The following LUZP2 variants were observed in gnomAD, a reference collection of about 807,000 sequenced individuals.
The protein encoded by LUZP2 is leucine zipper protein 2.
A neutral mutation model predicts 51.6 loss-of-function variants in LUZP2; 52 were observed. That is an observed-to-expected ratio of 1.01 (90% confidence interval 0.81 to 1.27). The LOEUF (loss-of-function observed/expected upper bound fraction) is 1.27, where lower values mean the gene tolerates loss of function less well. LUZP2 is among the 50% of genes most tolerant of loss of function. LUZP2 has a pLI of 0.00. For missense variants in LUZP2, 436 were observed against 395.4 expected (o/e 1.10, Z -0.87); for synonymous variants, 154 against 137.3 (o/e 1.12, Z -0.85).
intron 9 of LUZP2, among the ~76,000 whole-genome samples, chr11:25,000,946 A>G (rs1392423630): frequency 2.6e-5 from 4 of 152,156 alleles, no homozygotes; most frequent in African/African-American, 4.8e-5. Flanking sequence ...AATGAAGTAG[A>G]TAAACTGGCT....
chr11:24,835,067 G>A (rs964864945), intron 5 of LUZP2, among the ~76,000 whole-genome samples: 6 of 151,888 alleles, frequency 4.0e-5, no homozygotes, highest in African/African-American at 7.3e-5. Context: ...TATACCACAA[G>A]GCTACAGTAA....
chr11:25,054,482 T>C (rs1858617411), intron 10 of LUZP2, among the ~76,000 whole-genome samples: 1 of 152,192 alleles, frequency 6.6e-6, no homozygotes, highest in Non-Finnish European at 1.5e-5. Context: ...TTCTTCAATT[T>C]TTTGTGTGTG....
chr11:24,594,079 A>G (rs763654127), intron 1 of LUZP2, among the ~76,000 whole-genome samples: 1 of 152,206 alleles, frequency 6.6e-6, no homozygotes, highest in African/African-American at 2.4e-5. Context: ...TCCTAAATGC[A>G]CTATCGTTTC....
In LUZP2 at chr11:24,830,919, G is replaced by A. The variant is rs993088954; in HGVS notation, c.396+67611G>A. Among the ~76,000 whole-genome samples, 80 of 152,160 alleles carry A rather than the reference G, an allele frequency of 5.3e-4. 2 individuals carry two copies. Among genetic ancestry groups the A allele is most frequent in the East Asian group, 3.9e-4 (2 of 5,176 alleles). ...TGAGGCAGGAGAATGGCGTGAACCC[G>A]GGAGGTGGAGCTTGCAGTAAGCCGA... On this transcript the variant is annotated intron_variant, in intron 5 of 11. Coordinates refer to ENST00000336930, the MANE Select transcript of LUZP2 (RefSeq NM_001009909.4).
chr11:24,918,967 T>A (rs1042962539), intron 7 of LUZP2, among the ~76,000 whole-genome samples: 1 of 144,616 alleles, frequency 6.9e-6, no homozygotes, highest in Admixed American at 7.0e-5. Flanking sequence ...ATGTATTATA[T>A]ATAGTTATAT....
chr11:24,501,792 T>C (rs187423266), intron 1 of LUZP2, among the ~76,000 whole-genome samples: 50 of 152,304 alleles, frequency 3.3e-4, no homozygotes, highest in Non-Finnish European at 6.3e-4. Context: ...AATCTAGTCA[T>C]ACATACAAAT....
chr11:24,795,976 C>T (rs546206745), intron 5 of LUZP2, among the ~76,000 whole-genome samples: 16 of 152,152 alleles, frequency 1.1e-4, no homozygotes, highest in South Asian at 6.2e-4. Flanking sequence ...TCAGGTGATC[C>T]GTTCCCTTCC....
intron 4 of LUZP2, among the ~76,000 whole-genome samples, chr11:24,757,831 G>C (rs1264669818): frequency 6.6e-6 from 1 of 151,908 alleles, no homozygotes; most frequent in East Asian, 1.9e-4. Flanking sequence ...GTAAACAAAA[G>C]TCCTAGGTCA....
intron 1 of LUZP2, among the ~76,000 whole-genome samples, chr11:24,609,589 A>G (rs1460462991): frequency 6.6e-6 from 1 of 151,850 alleles, no homozygotes; most frequent in East Asian, 1.9e-4. Flanking sequence ...AATTAGTGGG[A>G]TGTGGTGGCA....
At chr11:24,952,246 T>C (rs1855099043) in intron 7 of LUZP2, among the ~76,000 whole-genome samples, 1 of 151,712 alleles carries the variant, frequency 6.6e-6, no homozygotes, top group Non-Finnish European at 1.5e-5. Context: ...TTTAAAAGTG[T>C]TTCTAAATCA....
chr11:24,544,246 A>G (rs1301277595), intron 1 of LUZP2, among the ~76,000 whole-genome samples: 4 of 152,060 alleles, frequency 2.6e-5, no homozygotes, highest in Admixed American at 1.3e-4. Flanking sequence ...CGTCATCCTG[A>G]TTTCAGCCTA....
At chr11:24,601,009 T>C (rs1853616013) in intron 1 of LUZP2, among the ~76,000 whole-genome samples, 1 of 152,130 alleles carries the variant, frequency 6.6e-6, no homozygotes, top group African/African-American at 2.4e-5. Context: ...AGATATTATT[T>C]AGATGATCTG....
chr11:24,938,224 A>T (rs546307898), intron 7 of LUZP2, among the ~76,000 whole-genome samples: 1 of 151,288 alleles, frequency 6.6e-6, no homozygotes, highest in Non-Finnish European at 1.5e-5. Flanking sequence ...ATTGGGATAC[A>T]TTTTTTTTCT....
In LUZP2 at chr11:24,727,472, C is replaced by T. The variant is rs185080467; in HGVS notation, c.63-1697C>T. Reference sequence around the variant, plus strand: ...TCAGAACAAATTCATGAGAAAAGCACTATTATTAACCCTATATATAATATG... The same window carrying T: ...TCAGAACAAATTCATGAGAAAAGCATTATTATTAACCCTATATATAATATG... On this transcript the variant is annotated intron_variant, in intron 1 of 11. Coordinates refer to ENST00000336930, the MANE Select transcript of LUZP2 (RefSeq NM_001009909.4). Among the ~76,000 whole-genome samples, 252 of 152,090 alleles carry T rather than the reference C, an allele frequency of 1.7e-3. 1 individual carries two copies. The Middle Eastern group carries it at 0.031, about 18-fold the overall frequency.
Position 24,862,220 on chromosome 11 carries a change from C to T in LUZP2, c.397-43771C>T, listed in dbSNP as rs114403210. On this transcript the variant is annotated intron_variant, in intron 5 of 11. Coordinates refer to ENST00000336930, the MANE Select transcript of LUZP2 (RefSeq NM_001009909.4). Reference sequence around the variant, plus strand: ...ACCTTTCAGCAGAAACTCCACAAACCACAAGAGATTGGGGACCAAAATTCA... The same window carrying T: ...ACCTTTCAGCAGAAACTCCACAAACTACAAGAGATTGGGGACCAAAATTCA... 4.4e-3 allele frequency among the ~76,000 whole-genome samples: 664 copies of T among 152,262 alleles called. 4 individuals are homozygous for T. Among genetic ancestry groups the T allele is most frequent in the Middle Eastern group, 0.017 (5 of 294 alleles).
intron 1 of LUZP2, among the ~76,000 whole-genome samples, chr11:24,688,568 TC>T (rs756686004): frequency 9.3e-6 from 1 of 107,862 alleles, no homozygotes; most frequent in Non-Finnish European, 2.1e-5. Context: ...ACTATCCAAC[TC>T]CCAGGTATGA....
At chr11:24,551,913 A>G (rs567976320) in intron 1 of LUZP2, among the ~76,000 whole-genome samples, 1 of 152,158 alleles carries the variant, frequency 6.6e-6, no homozygotes, top group South Asian at 2.1e-4. Flanking sequence ...TACCCATTAA[A>G]CATACACACA....
chr11:24,888,668 C>G (rs910534680), intron 5 of LUZP2, among the ~76,000 whole-genome samples: 2 of 152,164 alleles, frequency 1.3e-5, no homozygotes, highest in Admixed American at 1.3e-4. Flanking sequence ...ACCTGAACAC[C>G]ATTTGATATT....
At chr11:25,027,997 G>A (rs187337028) in intron 9 of LUZP2, among the ~76,000 whole-genome samples, 54 of 151,886 alleles carry the variant, frequency 3.6e-4, no homozygotes, top group African/African-American at 7.7e-4. Context: ...TATACTTTCC[G>A]TCTATTGGAA....
Sources: gnomAD v4.1 joint callset for allele counts (sites outside exome capture counted in the v4.1 genomes callset) on GRCh38, gnomAD v4.1.1 for gene constraint, MANE v1.5 for transcripts, NCBI Gene and HGNC (gene_info 2026-07-23, HGNC 2026-07-21) for gene names.